Variants in IMMP2L observed in about 807,000 individuals in gnomAD.
The protein encoded by IMMP2L is mitochondrial inner membrane protease subunit 2.
Under a neutral mutation model 19.3 loss-of-function variants are expected in IMMP2L, and 18 were observed. The observed-to-expected ratio is 0.93, with a 90% confidence interval of 0.64 to 1.38. The LOEUF (loss-of-function observed/expected upper bound fraction) is 1.38. Ranked by LOEUF, IMMP2L falls within the 40% of genes most tolerant of loss-of-function variation. The probability of loss-of-function intolerance (pLI) is 0.00; values close to 1 mark genes in which losing one functional copy is unlikely to be tolerated. For synonymous variants in IMMP2L, 76 were observed against 73.0 expected, an observed-to-expected ratio of 1.04 and a Z score of -0.21; for missense variants, 233 against 218.2, an observed-to-expected ratio of 1.07 and a Z score of -0.43.
chr7:111,139,058 T>C (rs1020502585), intron 3 of IMMP2L, among the ~76,000 whole-genome samples: 1 of 152,158 alleles, frequency 6.6e-6, no homozygotes, highest in Non-Finnish European at 1.5e-5. Context: ...GATTTGGCTA[T>C]TGTGAGAATA....
chr7:111,181,618 C>G (rs1807718692), intron 3 of IMMP2L, among the ~76,000 whole-genome samples: 1 of 151,918 alleles, frequency 6.6e-6, no homozygotes, highest in African/African-American at 2.4e-5. Flanking sequence ...TTCTCTTGCC[C>G]TAAAATACAA....
intron 5 of IMMP2L, among the ~76,000 whole-genome samples, chr7:110,730,045 AAAAGATTAAACATGAAAACATG>A (rs964911517): frequency 2.0e-5 from 3 of 152,162 alleles, no homozygotes; most frequent in African/African-American, 7.2e-5. Context: ...TTTAATTTCA[AAAAGATTAAACATGAAAACATG>A]AAAGATTAAA....
At chr7:111,226,676 C>G (rs894287016) in intron 3 of IMMP2L, among the ~76,000 whole-genome samples, 15 of 151,960 alleles carry the variant, frequency 9.9e-5, no homozygotes, top group African/African-American at 2.9e-4. Context: ...ATAATTATAG[C>G]TAATTGTGAA....
intron 3 of IMMP2L, among the ~76,000 whole-genome samples, chr7:111,394,367 TCAA>T (rs1207229581): frequency 6.6e-6 from 1 of 152,164 alleles, no homozygotes. Context: ...ATCAACATCA[TCAA>T]CATCATCATC....
At chr7:111,521,567 T>TA in intron 1 of IMMP2L, 118 bp from the exon 2 acceptor site, 1 of 756,134 alleles carries the variant, frequency 1.3e-6, no homozygotes, top group Non-Finnish European at 2.1e-6. Flanking sequence ...TCTTAATATA[T>TA]TACACACTCA....
At chr7:111,150,792 C>T (rs957772660) in intron 3 of IMMP2L, among the ~76,000 whole-genome samples, 2 of 152,242 alleles carry the variant, frequency 1.3e-5, no homozygotes, top group East Asian at 3.9e-4. Flanking sequence ...AATAAGCATG[C>T]CCTACTAATC....
At position 110,999,619 on chromosome 7, in the gene IMMP2L, A is replaced by C. The variant is rs978335348; in HGVS notation, c.240-36054T>G. Among the ~76,000 whole-genome samples the C allele has an allele frequency of 1.2e-4, 18 of 152,048 alleles. 1 individual carries two copies. In the Middle Eastern group the frequency reaches 0.014, roughly 116 times the overall value. On this transcript the variant is annotated intron_variant, in intron 3 of 5. Transcript: ENST00000405709. ...TATTTTCGATGAATAAAAAAAAAAA[A>C]AAAACCAAGATACGTATGTTCTCTG...
chr7:111,551,360 T>C (rs1449576537), intron 1 of IMMP2L, among the ~76,000 whole-genome samples: 1 of 152,164 alleles, frequency 6.6e-6, no homozygotes, highest in African/African-American at 2.4e-5. Flanking sequence ...GTCAAGAACA[T>C]ACTATGTATT....
intron 5 of IMMP2L, among the ~76,000 whole-genome samples, chr7:110,840,124 G>A (rs1295108675): frequency 6.6e-6 from 1 of 152,134 alleles, no homozygotes; most frequent in African/African-American, 2.4e-5. Flanking sequence ...GGTCACAGCT[G>A]CTGCTAGAAG....
chr7:110,840,876 A>T (rs1264410356), intron 5 of IMMP2L, among the ~76,000 whole-genome samples: 2 of 152,040 alleles, frequency 1.3e-5, no homozygotes, highest in Admixed American at 1.3e-4. Flanking sequence ...AGAATATTTT[A>T]AGCTCTCTAT....
intron 5 of IMMP2L, among the ~76,000 whole-genome samples, chr7:110,811,657 C>T (rs1160175168): frequency 1.3e-5 from 2 of 151,946 alleles, no homozygotes; most frequent in African/African-American, 2.4e-5. Context: ...TAATTTAGAG[C>T]TATTATATAC....
At chr7:111,394,868 C>A in intron 3 of IMMP2L, 1 of 229,914 alleles carries the variant, frequency 4.3e-6, no homozygotes, top group Non-Finnish European at 9.5e-6. Flanking sequence ...CAGTGTAAGG[C>A]CCATTCACTT....
chr7:110,675,911 C>T (rs1792263684), intron 5 of IMMP2L, among the ~76,000 whole-genome samples: 1 of 152,108 alleles, frequency 6.6e-6, no homozygotes, highest in Admixed American at 6.6e-5. Flanking sequence ...ATGTGTCATC[C>T]TATTATTTTG....
intron 5 of IMMP2L, among the ~76,000 whole-genome samples, chr7:110,688,540 G>A (rs1226506474): frequency 1.3e-5 from 2 of 151,612 alleles, no homozygotes; most frequent in South Asian, 2.1e-4. Flanking sequence ...CACCACAAAC[G>A]CATAAGACTA....
chr7:111,405,534 T>A (rs531698256), intron 3 of IMMP2L, among the ~76,000 whole-genome samples: 1 of 152,292 alleles, frequency 6.6e-6, no homozygotes, highest in Non-Finnish European at 1.5e-5. Context: ...ACAATATGTG[T>A]AAGATTATAA....
intron 3 of IMMP2L, among the ~76,000 whole-genome samples, chr7:111,089,556 T>C (rs1474031042): frequency 6.6e-6 from 1 of 152,080 alleles, no homozygotes; most frequent in Admixed American, 6.6e-5. Context: ...ATTATTACTA[T>C]TATTAAAAGT....
chr7:111,192,037 A>T (rs371489035), intron 3 of IMMP2L, among the ~76,000 whole-genome samples: 2 of 152,116 alleles, frequency 1.3e-5, no homozygotes, highest in Non-Finnish European at 2.9e-5. Flanking sequence ...GCACTGGCAC[A>T]GAGCAACCTT....
intron 3 of IMMP2L, among the ~76,000 whole-genome samples, chr7:111,165,649 C>G (rs1242629801): frequency 2.0e-5 from 3 of 151,912 alleles, no homozygotes; most frequent in African/African-American, 7.3e-5. Context: ...CAAGTGATAA[C>G]AAGGAACAAT....
intron 3 of IMMP2L, among the ~76,000 whole-genome samples, chr7:111,055,051 CTTT>C (rs113824921): frequency 7.4e-6 from 1 of 134,646 alleles, no homozygotes; most frequent in African/African-American, 2.7e-5. Context: ...TTTCTTCCTT[CTTT>C]TTTTTTTTTT....
Sources: allele counts gnomAD v4.1 joint callset (sites outside exome capture counted in the v4.1 genomes callset), GRCh38; gene constraint gnomAD v4.1.1; transcripts MANE v1.5; gene names NCBI Gene and HGNC (gene_info 2026-07-23, HGNC 2026-07-21).